NUDT3: variants seen among roughly 807,000 people sequenced by gnomAD.
The protein encoded by NUDT3 is nudix hydrolase 3.
In NUDT3, 9 loss-of-function variants were observed where a neutral mutation model predicts 23.6. That is an observed-to-expected ratio of 0.38 (90% confidence interval 0.23 to 0.66). The LOEUF (loss-of-function observed/expected upper bound fraction) is 0.66. Ranked by LOEUF, NUDT3 falls within the 30% of genes least tolerant of loss-of-function variation. The pLI is 0.52. For missense variants in NUDT3, 172 were observed against 218.5 expected (o/e 0.79, Z 1.34); for synonymous variants, 86 against 82.6 (o/e 1.04, Z -0.22).
In NUDT3 at chr6:34,279,860, T is replaced by C. The variant is rs553165689; in HGVS notation, c.*8893A>G. On this transcript the variant is annotated 3_prime_UTR_variant, in exon 5 of 5. Coordinates refer to ENST00000607016, the MANE Select transcript of NUDT3 (RefSeq NM_006703.4). Reference sequence around the variant, plus strand: ...AGTGGGATATGGGGGTGGTCAAGTTTTACGGGTAATAACAACATTCTCTCT... The same window carrying C: ...AGTGGGATATGGGGGTGGTCAAGTTCTACGGGTAATAACAACATTCTCTCT... 1.3e-5 allele frequency: 2 copies of C among 152,316 alleles called. No homozygotes were observed. Among genetic ancestry groups the C allele is most frequent in the South Asian group, 4.1e-4 (2 of 4,822 alleles). The allele number at this position is 152,316 out of a possible 1,614,324, so 9.4% of individuals were successfully genotyped here.
intron 1 of NUDT3, among the ~76,000 whole-genome samples, chr6:34,351,600 G>C (rs775159043): frequency 6.7e-6 from 1 of 149,340 alleles, no homozygotes; most frequent in Non-Finnish European, 1.5e-5. Flanking sequence ...AAATTAGCTG[G>C]GCGTGGTCGT....
At chr6:34,289,711 TCAATA>T (rs919705822) in intron 4 of NUDT3, among the ~76,000 whole-genome samples, 1 of 152,192 alleles carries the variant, frequency 6.6e-6, no homozygotes, top group Non-Finnish European at 1.5e-5. Context: ...AAAAATAATC[TCAATA>T]CAATCACACT....
intron 2 of NUDT3, among the ~76,000 whole-genome samples, chr6:34,304,403 GAAGGAAAGGA>G (rs147578852): frequency 3.3e-5 from 5 of 151,318 alleles, no homozygotes; most frequent in South Asian, 2.1e-4. Context: ...CATATCGAAA[GAAGGAAAGGA>G]AAGGAAAGGA....
chr6:34,392,624 C>G lies in NUDT3; in HGVS notation c.-262G>C, dbSNP rs1350996195. 7.9e-6 allele frequency: 2 copies of G among 254,752 alleles called. No individual in the cohort carries two copies. Among genetic ancestry groups the G allele is most frequent in the Non-Finnish European group, 1.5e-5 (2 of 134,666 alleles). 15.8% of individuals were successfully genotyped at this position (254,752 alleles called of 1,614,324 possible). On this transcript the variant is annotated 5_prime_UTR_variant, in exon 1 of 5. Coordinates refer to ENST00000607016, the MANE Select transcript of NUDT3 (RefSeq NM_006703.4). ...CCGCCCCCTCTGCCGCCGCCACCCC[C>G]GACGACGACCGCGCCGCCATCTTGG...
chr6:34,346,801 G>A (rs941659267), intron 1 of NUDT3, among the ~76,000 whole-genome samples: 2 of 152,128 alleles, frequency 1.3e-5, no homozygotes, highest in East Asian at 3.8e-4. Flanking sequence ...TGTTGCCCAG[G>A]CTGAAGCGCC....
At chr6:34,302,123 C>T (rs1358830607) in intron 2 of NUDT3, among the ~76,000 whole-genome samples, 1 of 151,994 alleles carries the variant, frequency 6.6e-6, no homozygotes, top group Non-Finnish European at 1.5e-5. Context: ...CCTTGACCTC[C>T]CAGGCTCAAG....
intron 2 of NUDT3, among the ~76,000 whole-genome samples, chr6:34,334,319 T>A (rs139739280): frequency 1.0e-3 from 152 of 152,256 alleles, no homozygotes; most frequent in South Asian, 5.4e-3. Flanking sequence ...AGATATGTGT[T>A]GAGCACTGGA....
intron 2 of NUDT3, among the ~76,000 whole-genome samples, chr6:34,297,731 A>AT (rs1763527937): frequency 3.8e-5 from 1 of 26,562 alleles, no homozygotes; most frequent in Non-Finnish European, 6.4e-5. Flanking sequence ...AAAAAAAAAA[A>AT]TATATATATA....
chr6:34,281,456 A>G lies in NUDT3; in HGVS notation c.*7297T>C, dbSNP rs186903183. On this transcript the variant is annotated 3_prime_UTR_variant, in exon 5 of 5. Transcript: ENST00000607016. ...AAATATTCTTGACTTCCTTAAGCAC[A>G]TGGAAAACTGGTAAGCTATATCTTT... The G allele has an allele frequency of 6.6e-6, 1 of 152,352 alleles. No homozygotes were observed. The highest frequency in any genetic ancestry group is 1.9e-4 in the East Asian group (1 of 5,184). The allele number at this position is 152,352 out of a possible 1,614,324, so 9.4% of individuals were successfully genotyped here.
chr6:34,364,829 C>T (rs1227086351), intron 1 of NUDT3, among the ~76,000 whole-genome samples: 2 of 150,226 alleles, frequency 1.3e-5, no homozygotes, highest in South Asian at 2.1e-4. Flanking sequence ...GTCAGGAGAT[C>T]GAGACCACAG....
chr6:34,391,163 C>T (rs937518156), intron 1 of NUDT3, among the ~76,000 whole-genome samples: 6 of 152,192 alleles, frequency 3.9e-5, no homozygotes, highest in Non-Finnish European at 7.4e-5. Flanking sequence ...CTGTCTCTTT[C>T]GCCACAGCTT....
chr6:34,313,248 A>G (rs1233332219), intron 2 of NUDT3, among the ~76,000 whole-genome samples: 1 of 152,192 alleles, frequency 6.6e-6, no homozygotes, highest in Non-Finnish European at 1.5e-5. Context: ...GGAAGAAGTC[A>G]ATCTGAAAAG....
chr6:34,387,673 TAAAAAA>T (rs752125676), intron 1 of NUDT3, among the ~76,000 whole-genome samples: 1 of 98,770 alleles, frequency 1.0e-5, no homozygotes, highest in Non-Finnish European at 2.1e-5. Context: ...CATCTCTTTT[TAAAAAA>T]AAAAAAAAAA....
At chr6:34,332,353 A>G (rs1764140660) in intron 2 of NUDT3, among the ~76,000 whole-genome samples, 1 of 152,178 alleles carries the variant, frequency 6.6e-6, no homozygotes, top group Non-Finnish European at 1.5e-5. Context: ...GGAGCCCAGT[A>G]AAGGTTTTTT....
Position 34,331,288 on chromosome 6 carries a change from CTTT to C in NUDT3, c.210+10571_210+10573del, listed in dbSNP as rs537474751. On this transcript the variant is annotated intron_variant, in intron 2 of 4. Transcript: ENST00000607016. ...TAAGGTATTTAGACTTTCAAACTTT[CTTT>C]TTTTTTTTTTTTTCCAAACTTTCTT... Among the ~76,000 whole-genome samples the C allele has an allele frequency of 4.7e-3, 650 of 138,770 alleles. 5 individuals are homozygous for C. The highest frequency in any genetic ancestry group is 0.016 in the African/African-American group (611 of 38,482). 91.0% of individuals were successfully genotyped at this position (138,770 alleles called of 152,430 possible).
intron 1 of NUDT3, among the ~76,000 whole-genome samples, chr6:34,351,272 C>T (rs1288646287): frequency 7.5e-6 from 1 of 134,118 alleles, no homozygotes; most frequent in African/African-American, 2.9e-5. Context: ...GCCAGGCGTT[C>T]AAGACCAGTC....
chr6:34,384,020 G>C (rs927692212), intron 1 of NUDT3, among the ~76,000 whole-genome samples: 1 of 152,158 alleles, frequency 6.6e-6, no homozygotes, highest in Admixed American at 6.5e-5. Context: ...AACCACCTTG[G>C]GATCTGCTGG....
chr6:34,343,304 C>G (rs912399505), intron 1 of NUDT3, among the ~76,000 whole-genome samples: 14 of 151,044 alleles, frequency 9.3e-5, no homozygotes, highest in African/African-American at 2.7e-4. Context: ...AATCCCAGCA[C>G]TTCGGGAGGC....
At chr6:34,312,683 T>A (rs1440601907) in intron 2 of NUDT3, among the ~76,000 whole-genome samples, 3 of 152,206 alleles carry the variant, frequency 2.0e-5, no homozygotes, top group Non-Finnish European at 2.9e-5. Flanking sequence ...TTTATTTATA[T>A]GTCTCTTACT....
Sources: gnomAD v4.1 joint callset for allele counts (sites outside exome capture counted in the v4.1 genomes callset) on GRCh38, gnomAD v4.1.1 for gene constraint, MANE v1.5 for transcripts, NCBI Gene and HGNC (gene_info 2026-07-23, HGNC 2026-07-21) for gene names.